The following FBXO11 variants were observed in gnomAD, a reference collection of about 807,000 sequenced individuals.
FBXO11 encodes the protein F-box protein 11.
A neutral mutation model predicts 117.0 loss-of-function variants in FBXO11; 13 were observed. The observed-to-expected ratio is 0.11, with a 90% confidence interval of 0.07 to 0.18. The LOEUF (loss-of-function observed/expected upper bound fraction) is 0.18. Among genes scored for constraint, FBXO11 ranks in the 10% least tolerant of loss-of-function variants. FBXO11 has a pLI of 1.00. For synonymous variants in FBXO11, 490 were observed against 380.5 expected, an observed-to-expected ratio of 1.29 and a Z score of -3.35; for missense variants, 767 against 1,164.4, an observed-to-expected ratio of 0.66 and a Z score of 4.97.
At chr2:47,881,484 C>T (rs549699314) in intron 1 of FBXO11, among the ~76,000 whole-genome samples, 3 of 152,136 alleles carry the variant, frequency 2.0e-5, no homozygotes, top group African/African-American at 4.8e-5. Context: ...AATTAGCACG[C>T]CTCCTCTCCC....
At chr2:47,901,473 T>G (rs1192805970) in intron 1 of FBXO11, among the ~76,000 whole-genome samples, 1 of 152,120 alleles carries the variant, frequency 6.6e-6, no homozygotes, top group Non-Finnish European at 1.5e-5. Flanking sequence ...AGGTAATAAA[T>G]GAGAAACTAA....
chr2:47,836,193 G>C (rs1328255513), intron 4 of FBXO11, among the ~76,000 whole-genome samples, 192 bp from the exon 5 acceptor site: 7 of 152,006 alleles, frequency 4.6e-5, no homozygotes, highest in Admixed American at 4.6e-4. Context: ...TAGAATGCAA[G>C]TGGCATGATC....
In FBXO11 at chr2:47,905,831, G is replaced by C. The variant is rs1291922494; in HGVS notation, c.-111C>G. ...AGAGTGGGAGAGGGGGGAGGAAGGA[G>C]AGGGGGCGAGGGGAAGGGGAGACGC... On this transcript the variant is annotated 5_prime_UTR_variant, in exon 1 of 23. Coordinates refer to ENST00000403359, the MANE Select transcript of FBXO11 (RefSeq NM_001190274.2). 1.4e-5 allele frequency: 8 copies of C among 590,386 alleles called. No individual in the cohort carries two copies. The highest frequency in any genetic ancestry group is 2.2e-5 in the South Asian group (1 of 46,208). 36.6% of individuals were successfully genotyped at this position (590,386 alleles called of 1,614,324 possible). A position where few individuals can be genotyped will look rare whatever the true frequency, so the allele number is the denominator to read the frequency against.
chr2:47,828,124 C>T (rs965769412), intron 11 of FBXO11, among the ~76,000 whole-genome samples: 22 of 149,604 alleles, frequency 1.5e-4, no homozygotes, highest in Admixed American at 6.0e-4. Flanking sequence ...GGATTATAGG[C>T]GTGTGCCACC....
At chr2:47,858,695 A>AAG (rs1250801135) in intron 1 of FBXO11, among the ~76,000 whole-genome samples, 7 of 150,332 alleles carry the variant, frequency 4.7e-5, no homozygotes, top group Admixed American at 6.6e-5. Flanking sequence ...AAAAAAAAAA[A>AAG]AAAAAGAAAA....
At chr2:47,835,799 A>C (rs1672517965) in intron 5 of FBXO11, 73 bp downstream of exon 5, 1 of 1,272,166 alleles carries the variant, frequency 7.9e-7, no homozygotes, top group Non-Finnish European at 1.1e-6. Context: ...CGCCCAGCCT[A>C]AACTTATTTC....
intron 1 of FBXO11, among the ~76,000 whole-genome samples, chr2:47,904,185 C>G (rs1390944463): frequency 6.6e-6 from 1 of 152,184 alleles, no homozygotes; most frequent in Non-Finnish European, 1.5e-5. Flanking sequence ...ATCTCAATCC[C>G]TTTAACCAAT....
intron 1 of FBXO11, among the ~76,000 whole-genome samples, chr2:47,873,818 A>G (rs1183237949): frequency 1.3e-5 from 2 of 152,196 alleles, no homozygotes; most frequent in African/African-American, 4.8e-5. Context: ...AAACAAAGAT[A>G]TGTATGTGTT....
At chr2:47,877,747 C>T (rs550626234) in intron 1 of FBXO11, among the ~76,000 whole-genome samples, 1 of 152,136 alleles carries the variant, frequency 6.6e-6, no homozygotes, top group Non-Finnish European at 1.5e-5. Flanking sequence ...TGCAGTGGTG[C>T]GATCTTGGCT....
chr2:47,898,127 C>A (rs1183692189), intron 1 of FBXO11, among the ~76,000 whole-genome samples: 1 of 152,226 alleles, frequency 6.6e-6, no homozygotes, highest in African/African-American at 2.4e-5. Flanking sequence ...AATTAACATA[C>A]TGAACTCACA....
rs1670314092 is a variant in FBXO11 at position 47,807,637 on chromosome 2, A to G, written c.*481T>C. On this transcript the variant is annotated 3_prime_UTR_variant, in exon 23 of 23. Transcript: ENST00000403359. ...ACAAACTACATGAGATTAAAGCATT[A>G]AAATCATATTTCTCAATCTGAATAC... 1 of 222,146 alleles carries G rather than the reference A, an allele frequency of 4.5e-6. No homozygotes were observed. The highest frequency in any genetic ancestry group is 1.7e-4 in the South Asian group (1 of 5,794). The allele number at this position is 222,146 out of a possible 1,614,324, so 13.8% of individuals were successfully genotyped here.
At chr2:47,889,544 C>A (rs536892212) in intron 1 of FBXO11, among the ~76,000 whole-genome samples, 4 of 152,022 alleles carry the variant, frequency 2.6e-5, no homozygotes, top group Admixed American at 6.6e-5. Context: ...GAACTAAATT[C>A]ATGTTTCAAA....
intron 11 of FBXO11, among the ~76,000 whole-genome samples, chr2:47,825,571 CTTTTTTTTTTT>C (rs751404253): frequency 1.1e-5 from 1 of 88,312 alleles, no homozygotes; most frequent in African/African-American, 4.5e-5. Context: ...TCTTCTTCTT[CTTTTTTTTTTT>C]TTTTTTTTTT....
chr2:47,812,319 A>C (rs535206669), intron 18 of FBXO11, among the ~76,000 whole-genome samples: 1 of 152,356 alleles, frequency 6.6e-6, no homozygotes, highest in African/African-American at 2.4e-5. Context: ...AAAGAATAAA[A>C]GTGAAATAAC....
At chr2:47,900,777 T>C (rs1300546333) in intron 1 of FBXO11, among the ~76,000 whole-genome samples, 2 of 102,234 alleles carry the variant, frequency 2.0e-5, no homozygotes, top group African/African-American at 3.9e-5. Flanking sequence ...TATATACACG[T>C]ATACACACAC....
intron 16 of FBXO11, among the ~76,000 whole-genome samples, chr2:47,815,998 A>C (rs1373688337): frequency 6.6e-6 from 1 of 152,210 alleles, no homozygotes; most frequent in Non-Finnish European, 1.5e-5. Context: ...GTTCACGACT[A>C]GGTAGGGGGA....
At chr2:47,891,358 CTTCAT>C (rs1213077247) in intron 1 of FBXO11, among the ~76,000 whole-genome samples, 1 of 152,130 alleles carries the variant, frequency 6.6e-6, no homozygotes, top group African/African-American at 2.4e-5. Context: ...TTTCAGATAA[CTTCAT>C]TTAAGTGAAA....
At chr2:47,843,673 T>C (rs946502504) in intron 1 of FBXO11, among the ~76,000 whole-genome samples, 5 of 152,202 alleles carry the variant, frequency 3.3e-5, no homozygotes, top group African/African-American at 1.2e-4. Context: ...CAGTCTAGTA[T>C]TTTTTAAATC....
At chr2:47,847,806 T>TA (rs1673536196) in intron 1 of FBXO11, among the ~76,000 whole-genome samples, 1 of 151,904 alleles carries the variant, frequency 6.6e-6, no homozygotes, top group African/African-American at 2.4e-5. Flanking sequence ...GTGACTGTGT[T>TA]AGACAGACTG....
Sources: gnomAD v4.1 joint callset for allele counts (sites outside exome capture counted in the v4.1 genomes callset) on GRCh38, gnomAD v4.1.1 for gene constraint, MANE v1.5 for transcripts, NCBI Gene and HGNC (gene_info 2026-07-23, HGNC 2026-07-21) for gene names.